Variants in ANKS1B observed in about 807,000 individuals in gnomAD.
ANKS1B encodes ankyrin repeat and sterile alpha motif domain containing 1B.
Under a neutral mutation model 148.3 loss-of-function variants are expected in ANKS1B, and 36 were observed. The observed-to-expected ratio is 0.24, with a 90% CI of 0.19 to 0.32. The LOEUF is 0.32. Ranked by LOEUF, ANKS1B falls within the 10% of genes least tolerant of loss-of-function variation. The probability of loss-of-function intolerance (pLI) is 1.00; values close to 1 mark genes in which losing one functional copy is unlikely to be tolerated. For missense variants in ANKS1B, 1,157 were observed against 1,542.6 expected (o/e 0.75, Z 4.19); for synonymous variants, 542 against 560.8 (o/e 0.97, Z 0.47).
At chr12:99,346,751 G>A (rs766547322) in intron 12 of ANKS1B, among the ~76,000 whole-genome samples, 11 of 151,818 alleles carry the variant, frequency 7.2e-5, no homozygotes, top group South Asian at 2.1e-4. Flanking sequence ...TATTGTTTTC[G>A]TGAGTTATCA....
In ANKS1B at chr12:99,886,791, T is replaced by C. The variant is rs192965392; in HGVS notation, c.135-61402A>G. Reference sequence around the variant, plus strand: ...TACATCTACATATGAGTCTACTAACTGTTGGGCATACATCCAGACTTACAT... The same window carrying C: ...TACATCTACATATGAGTCTACTAACCGTTGGGCATACATCCAGACTTACAT... On this transcript the variant is annotated intron_variant, in intron 1 of 26. Transcript: ENST00000683438. 2.0e-5 allele frequency among the ~76,000 whole-genome samples: 3 copies of C among 152,322 alleles called. No individual in the cohort carries two copies. The East Asian group carries it at 5.8e-4, about 29-fold the overall frequency.
chr12:98,895,419 A>C (rs1233329694), intron 17 of ANKS1B: 2 of 554,654 alleles, frequency 3.6e-6, no homozygotes, highest in Non-Finnish European at 4.6e-6. Flanking sequence ...AGCAGCCGCC[A>C]CTGCCGCTGT....
intron 19 of ANKS1B, among the ~76,000 whole-genome samples, chr12:98,826,788 A>G (rs1227929175): frequency 6.6e-6 from 1 of 152,208 alleles, no homozygotes; most frequent in Non-Finnish European, 1.5e-5. Context: ...TCCAGGTTGG[A>G]AGGAGGTATA....
At chr12:99,534,231 T>C (rs1784460762) in intron 9 of ANKS1B, among the ~76,000 whole-genome samples, 1 of 152,232 alleles carries the variant, frequency 6.6e-6, no homozygotes, top group African/African-American at 2.4e-5. Flanking sequence ...AGAAGTATGT[T>C]CAGAAGTGAA....
At chr12:99,571,813 T>G (rs1245847572) in intron 9 of ANKS1B, among the ~76,000 whole-genome samples, 1 of 152,048 alleles carries the variant, frequency 6.6e-6, no homozygotes, top group Non-Finnish European at 1.5e-5. Context: ...AAGAAGGAAA[T>G]GAAGTGTTCT....
intron 19 of ANKS1B, among the ~76,000 whole-genome samples, chr12:98,815,876 G>A (rs2099135578): frequency 6.6e-6 from 1 of 152,034 alleles, no homozygotes; most frequent in African/African-American, 2.4e-5. Flanking sequence ...TGCCTCCTTA[G>A]TATCTCTTCT....
chr12:98,836,994 T>C (rs1035202442), intron 17 of ANKS1B, among the ~76,000 whole-genome samples: 3 of 152,052 alleles, frequency 2.0e-5, no homozygotes, highest in Admixed American at 2.0e-4. Flanking sequence ...ATTATACACA[T>C]AAGCATAAGA....
intron 24 of ANKS1B, among the ~76,000 whole-genome samples, chr12:98,776,881 G>C (rs1175391803): frequency 6.6e-6 from 1 of 152,128 alleles, no homozygotes; most frequent in African/African-American, 2.4e-5. Context: ...CTTCTTAGGA[G>C]TATTTGCTAT....
At chr12:99,143,738 T>C (rs1185964109) in intron 15 of ANKS1B, among the ~76,000 whole-genome samples, 1 of 152,088 alleles carries the variant, frequency 6.6e-6, no homozygotes. Flanking sequence ...TGAGAAAGTT[T>C]CCTTAGTCTA....
chr12:99,869,007 A>C (rs2091127283), intron 1 of ANKS1B, among the ~76,000 whole-genome samples: 1 of 152,142 alleles, frequency 6.6e-6, no homozygotes, highest in Non-Finnish European at 1.5e-5. Flanking sequence ...TAGCGAGTGG[A>C]GATTGCGCCA....
At chr12:99,217,307 C>T (rs535389534) in intron 14 of ANKS1B, among the ~76,000 whole-genome samples, 1 of 151,836 alleles carries the variant, frequency 6.6e-6, no homozygotes, top group African/African-American at 2.4e-5. Context: ...TTCTGAGTTC[C>T]TATTCTGAGA....
intron 12 of ANKS1B, among the ~76,000 whole-genome samples, chr12:99,311,067 C>T (rs2083083601): frequency 6.6e-6 from 1 of 152,046 alleles, no homozygotes; most frequent in Admixed American, 6.6e-5. Flanking sequence ...TAAATGTTAC[C>T]TATTATTACT....
At chr12:99,095,715 T>A (rs773855777) in intron 15 of ANKS1B, among the ~76,000 whole-genome samples, 2 of 152,176 alleles carry the variant, frequency 1.3e-5, no homozygotes, top group Non-Finnish European at 2.9e-5. Context: ...TATTTACTAT[T>A]TATTTTAGGC....
intron 16 of ANKS1B, among the ~76,000 whole-genome samples, chr12:99,064,543 G>C (rs1196795258): frequency 6.6e-6 from 1 of 152,200 alleles, no homozygotes; most frequent in Non-Finnish European, 1.5e-5. Flanking sequence ...ATGCAGCCAA[G>C]TTCTATAAAG....
intron 15 of ANKS1B, among the ~76,000 whole-genome samples, chr12:99,121,318 G>GGGGTGTGAGTGTGT (rs796549235): frequency 9.4e-6 from 1 of 105,926 alleles, no homozygotes; most frequent in Non-Finnish European, 1.9e-5. Context: ...TGTGTATGTA[G>GGGGTGTGAGTGTGT]GTATGTGTGT....
chr12:98,817,354 CA>C (rs896748696), intron 19 of ANKS1B, among the ~76,000 whole-genome samples: 1 of 152,248 alleles, frequency 6.6e-6, no homozygotes, highest in African/African-American at 2.4e-5. Flanking sequence ...TCAGTGCAGT[CA>C]AGGGGTAACG....
intron 1 of ANKS1B, among the ~76,000 whole-genome samples, chr12:99,885,886 AG>A (rs2092800513): frequency 1.3e-5 from 2 of 152,212 alleles, no homozygotes; most frequent in African/African-American, 4.8e-5. Context: ...TACTTCACTT[AG>A]AATAATGGCC....
At chr12:99,383,611 C>G (rs994185715) in intron 12 of ANKS1B, among the ~76,000 whole-genome samples, 1 of 152,198 alleles carries the variant, frequency 6.6e-6, no homozygotes, top group Non-Finnish European at 1.5e-5. Context: ...AATATTACCT[C>G]CCTTTACAGG....
chr12:99,004,582 GAAA>G (rs1189761259), intron 17 of ANKS1B, among the ~76,000 whole-genome samples: 1 of 151,250 alleles, frequency 6.6e-6, no homozygotes, highest in Non-Finnish European at 1.5e-5. Flanking sequence ...TTCTGTTTGA[GAAA>G]AATGAGAAAG....
Sources: gnomAD v4.1 joint callset for allele counts (sites outside exome capture counted in the v4.1 genomes callset) on GRCh38, gnomAD v4.1.1 for gene constraint, MANE v1.5 for transcripts, NCBI Gene and HGNC (gene_info 2026-07-23, HGNC 2026-07-21) for gene names.